The following COG4 variants were observed in gnomAD, a reference collection of about 807,000 sequenced individuals.
The protein encoded by COG4 is conserved oligomeric Golgi complex subunit 4.
Under a neutral mutation model 95.1 loss-of-function variants are expected in COG4, and 65 were observed. The observed-to-expected ratio is 0.68, with a 90% CI of 0.56 to 0.84. COG4 has a LOEUF of 0.84. Ranked by LOEUF, COG4 falls within the 40% of genes least tolerant of loss-of-function variation. COG4 has a pLI of 0.00. For synonymous variants in COG4, 421 were observed against 374.8 expected (o/e 1.12, Z -1.42); for missense variants, 1,045 against 989.1 (o/e 1.06, Z -0.76).
At chr16:70,512,952 G>A (rs1426922281) in intron 4 of COG4, among the ~76,000 whole-genome samples, 2 of 152,076 alleles carry the variant, frequency 1.3e-5, no homozygotes, top group African/African-American at 2.4e-5. Context: ...CACTCCAGCC[G>A]GCAAAAGAGT....
intron 8 of COG4, among the ~76,000 whole-genome samples, chr16:70,505,221 A>G (rs544872914): frequency 1.8e-3 from 260 of 140,760 alleles, no homozygotes; most frequent in African/African-American, 7.0e-3. Flanking sequence ...TTTTTGAGAC[A>G]GAGTCTCGCT....
intron 1 of COG4, among the ~76,000 whole-genome samples, chr16:70,520,099 C>A (rs974529788): frequency 7.9e-5 from 12 of 151,894 alleles, no homozygotes; most frequent in African/African-American, 2.9e-4. Flanking sequence ...GTCAGGAGTT[C>A]ATGACCAGCC....
In COG4 at chr16:70,517,539, C is replaced by T. The variant is rs2049846993; in HGVS notation, c.369+87G>A. ...GGGAGTTGGGGCTGTAGTGAGCTGT[C>T]ATTGTACCACTGTACTCCAGCCTAG... On this transcript the variant is annotated intron_variant, in intron 3 of 18. Coordinates refer to ENST00000323786, the MANE Select transcript of COG4 (RefSeq NM_015386.3). 9.2e-6 allele frequency: 7 copies of T among 764,328 alleles called. No homozygotes were observed. The Admixed American group carries it at 1.4e-4, about 15-fold the overall frequency. The allele number at this position is 764,328 out of a possible 1,614,324, so 47.3% of individuals were successfully genotyped here.
At chr16:70,514,228 A>G in intron 4 of COG4, 107 bp downstream of exon 4, 1 of 1,121,816 alleles carries the variant, frequency 8.9e-7, no homozygotes. Context: ...AGAAAAAGAA[A>G]AAAGAAAACT....
chr16:70,481,159 A>G lies in COG4; in HGVS notation c.2236-15T>C. ...ATCTCGGTCACCTGTGGGGAAGGAC[A>G]TAGAGACCAGTCAGCAAGGTGGGGT... On this transcript the variant is annotated splice_polypyrimidine_tract_variant and intron_variant, in intron 18 of 18. Coordinates refer to ENST00000323786, the MANE Select transcript of COG4 (RefSeq NM_015386.3). 6.2e-7 allele frequency: 1 copy of G among 1,613,252 alleles called. No homozygotes were observed. Among genetic ancestry groups the G allele is most frequent in the Non-Finnish European group, 8.5e-7 (1 of 1,179,908 alleles).
At chr16:70,497,631 A>T (rs963838219) in intron 10 of COG4, among the ~76,000 whole-genome samples, 3 of 152,202 alleles carry the variant, frequency 2.0e-5, no homozygotes, top group Non-Finnish European at 4.4e-5. Context: ...AGATATCTGC[A>T]GGGGCCCTAC....
At chr16:70,510,344 G>A (rs1028113157) in intron 5 of COG4, among the ~76,000 whole-genome samples, 2 of 152,202 alleles carry the variant, frequency 1.3e-5, no homozygotes, top group South Asian at 2.1e-4. Flanking sequence ...AAATAAGACA[G>A]AAACTCACTC....
intron 5 of COG4, 49 bp from the exon 6 acceptor site, chr16:70,510,070 T>C (rs1388000175): frequency 2.0e-6 from 3 of 1,464,256 alleles, no homozygotes; most frequent in South Asian, 1.1e-5. Context: ...GTCACCCTCA[T>C]ACCAGGTATA....
intron 14 of COG4, 80 bp downstream of exon 14, chr16:70,483,773 C>T: frequency 1.8e-6 from 2 of 1,142,016 alleles, no homozygotes; most frequent in Admixed American, 3.4e-5. Context: ...GGCTTCCTTG[C>T]ACACGATGAG....
At chr16:70,501,417 G>C (rs185132277) in intron 8 of COG4, 1 of 302,524 alleles carries the variant, frequency 3.3e-6, no homozygotes, top group Non-Finnish European at 6.3e-6. Context: ...GCAGTGGCTC[G>C]ATCTCAGCTC....
At chr16:70,516,035 G>C (rs1043601139) in intron 3 of COG4, 3 of 455,982 alleles carry the variant, frequency 6.6e-6, no homozygotes, top group South Asian at 1.5e-5. Flanking sequence ...AATTTGTTGA[G>C]TGTTTCTACC....
chr16:70,509,201 C>G lies in COG4; in HGVS notation c.1002+30G>C, dbSNP rs552675620. The G allele has an allele frequency of 5.6e-6, 9 of 1,613,970 alleles. No homozygotes were observed. In the South Asian group the frequency reaches 8.8e-5, roughly 16 times the overall value. ...CAGTGTTCCTCGCTAAAGCTGCTAC[C>G]AAACCCTACCTGTAGCTTCCCCTGC... On this transcript the variant is annotated intron_variant, in intron 7 of 18. Coordinates refer to ENST00000323786, the MANE Select transcript of COG4 (RefSeq NM_015386.3).
At chr16:70,484,401 G>C (rs1157149735) in intron 13 of COG4, among the ~76,000 whole-genome samples, 1 of 152,076 alleles carries the variant, frequency 6.6e-6, no homozygotes, top group Non-Finnish European at 1.5e-5. Flanking sequence ...GGAGACACTA[G>C]CTATTATTGC....
chr16:70,498,037 T>C lies in COG4; in HGVS notation c.1214A>G (p.Asp405Gly). The change falls in exon 10 of 19, where the codon GAC becomes GGC. Residue 405 changes from aspartate (D) to glycine (G), a missense_variant. Coordinates refer to ENST00000323786, the MANE Select transcript of COG4 (RefSeq NM_015386.3). ...CAAAAGGCAGTTATTGAGGAGTTTG[T>C]CCAGACACTTCTGGTGCTCTAGGGG... ...EVKQEHQKCLDKLLNNCLLSC... is the reference protein window; with the variant it reads ...EVKQEHQKCLGKLLNNCLLSC... 1 of 1,612,556 alleles carries C rather than the reference T, an allele frequency of 6.2e-7. No homozygotes were observed. The highest frequency in any genetic ancestry group is 1.7e-5 in the Admixed American group (1 of 60,024).
chr16:70,506,640 G>C (rs1341297255), intron 8 of COG4, among the ~76,000 whole-genome samples: 1 of 133,124 alleles, frequency 7.5e-6, no homozygotes, highest in Non-Finnish European at 1.6e-5. Flanking sequence ...CATTTAGCTG[G>C]GAGTGGTGAC....
intron 4 of COG4, among the ~76,000 whole-genome samples, chr16:70,513,703 T>A (rs1175036365): frequency 6.6e-6 from 1 of 152,212 alleles, no homozygotes; most frequent in African/African-American, 2.4e-5. Context: ...CAAGATTTTA[T>A]CACACTACTT....
chr16:70,515,424 G>A (rs762525013), intron 3 of COG4, among the ~76,000 whole-genome samples: 3 of 152,000 alleles, frequency 2.0e-5, no homozygotes, highest in African/African-American at 7.2e-5. Flanking sequence ...GGTGGCTCAC[G>A]CCTGTAATCC....
rs1567721600 is a variant in COG4, at chr16:70,483,894, CAG to C, written c.1784_1785del (p.Ser595Ter). The C allele has an allele frequency of 6.2e-7, 1 of 1,613,430 alleles. No individual in the cohort carries two copies. The highest frequency in any genetic ancestry group is 8.5e-7 in the Non-Finnish European group (1 of 1,180,020). On this transcript the variant is annotated frameshift_variant, in exon 14 of 19. Transcript: ENST00000323786. LOFTEE classifies it high-confidence loss of function. ...QAQAKFDSCL[S>X]DLAAVSNKFR... ...AATTTGTTGGACACGGCGGCCAAGT[CAG>C]AAAGGCAGCTGTCAAACTTGGCCTG...
intron 14 of COG4, 56 bp downstream of exon 14, chr16:70,483,797 T>C: frequency 1.5e-6 from 2 of 1,346,414 alleles, no homozygotes; most frequent in Non-Finnish European, 2.1e-6. Flanking sequence ...GCTAACAATC[T>C]TCTCAGAGCA....
Sources: allele counts gnomAD v4.1 joint callset (sites outside exome capture counted in the v4.1 genomes callset), GRCh38; gene constraint gnomAD v4.1.1; transcripts MANE v1.5; gene names NCBI Gene and HGNC (gene_info 2026-07-23, HGNC 2026-07-21).